ATP2B3: variants seen among roughly 807,000 people sequenced by gnomAD.
ATP2B3 encodes the protein plasma membrane calcium-transporting ATPase 3.
A neutral mutation model predicts 70.8 loss-of-function variants in ATP2B3; 12 were observed. The observed-to-expected ratio is 0.17, with a 90% CI of 0.11 to 0.27. The LOEUF (loss-of-function observed/expected upper bound fraction) is 0.27. Ranked by LOEUF, ATP2B3 falls within the 10% of genes least tolerant of loss-of-function variation. The pLI is 1.00. For synonymous variants in ATP2B3, 460 were observed against 497.8 expected (o/e 0.92, Z 1.01); for missense variants, 858 against 1,118.5 (o/e 0.77, Z 3.32).
chrX:153,518,297 A>G (rs1556996785), intron 1 of ATP2B3, among the ~76,000 whole-genome samples, 135 bp from the exon 2 acceptor site: 1 of 110,384 alleles, frequency 9.1e-6, no homozygotes, highest in African/African-American at 3.3e-5. Flanking sequence ...ACACTGTATC[A>G]TCCTTCCCCT....
intron 3 of ATP2B3, among the ~76,000 whole-genome samples, chrX:153,539,190 C>T (rs1232767124): frequency 8.9e-6 from 1 of 112,543 alleles, no homozygotes; most frequent in Non-Finnish European, 1.9e-5. Flanking sequence ...CAGTCCAGAG[C>T]GAGGTGCACA....
intron 16 of ATP2B3, among the ~76,000 whole-genome samples, chrX:153,557,567 G>A (rs573514524): frequency 2.7e-5 from 3 of 112,169 alleles, no homozygotes; most frequent in Non-Finnish European, 5.6e-5. Context: ...CCCAGCACCC[G>A]TAGCCCAGAA....
chrX:153,574,691 C>T (rs2090833209), intron 21 of ATP2B3: 1 of 298,530 alleles, frequency 3.3e-6, no homozygotes, highest in Non-Finnish European at 6.7e-6. Context: ...TCGCTTGTCT[C>T]CCTGCTTCTG....
At chrX:153,566,167 C>G (rs2090704503) in intron 21 of ATP2B3, among the ~76,000 whole-genome samples, 1 of 112,835 alleles carries the variant, frequency 8.9e-6, no homozygotes, top group Admixed American at 9.3e-5. Flanking sequence ...CACACTCCAC[C>G]TCCTTCTGCA....
chrX:153,532,244 G>A (rs2980077), intron 2 of ATP2B3, among the ~76,000 whole-genome samples: 12,538 of 112,240 alleles, frequency 0.11, 522 homozygotes, highest in East Asian at 0.25. Context: ...TCCTGAGAGG[G>A]GCCCCATGGG....
intron 21 of ATP2B3, among the ~76,000 whole-genome samples, chrX:153,571,002 GTACA>G (rs1265568419): frequency 0.039 from 1,045 of 26,744 alleles, 11 homozygotes; most frequent in African/African-American, 0.076. Flanking sequence ...ACGTGCGCGC[GTACA>G]CACACACACA....
intron 21 of ATP2B3, among the ~76,000 whole-genome samples, chrX:153,573,571 G>T (rs1557020542): frequency 8.9e-6 from 1 of 112,869 alleles, no homozygotes; most frequent in African/African-American, 3.2e-5. Flanking sequence ...GCCCTTCCAG[G>T]CAAACCCTAA....
rs2081164326 is a variant in ATP2B3 at position 153,542,027 on chromosome X, G to A, written c.664+101G>A. 12 of 1,004,095 alleles carry A rather than the reference G, an allele frequency of 1.2e-5. No individual in the cohort carries two copies. In the Admixed American group the frequency reaches 2.4e-4, roughly 20 times the overall value. The allele number at this position is 1,004,095 out of a possible 1,213,427, so 82.7% of individuals were successfully genotyped here. A position where few individuals can be genotyped will look rare whatever the true frequency, so the allele number is the denominator to read the frequency against. On this transcript the variant is annotated intron_variant, in intron 5 of 21. Coordinates refer to ENST00000263519, the MANE Select transcript of ATP2B3 (RefSeq NM_001001344.3). ...CCCCCAGCACAGGTTCTCCCCGGTG[G>A]CCTGCGTGTCGTCACCTGCCTTAGG...
rs1557009484 is a variant in ATP2B3, at chrX:153,547,987, A to G, written c.1111A>G (p.Ile371Val). The G allele has an allele frequency of 8.3e-7, 1 of 1,204,432 alleles. No individual in the cohort carries two copies. Among genetic ancestry groups the G allele is most frequent in the Admixed American group, 2.2e-5 (1 of 45,623 alleles). The change falls in exon 9 of 22, where the codon ATC becomes GTC. Residue 371 changes from isoleucine to valine, a missense_variant. This residue lies in a region of ATP2B3 where 278 missense variants were observed against 366.2 expected (regional missense o/e 0.76). Transcript: ENST00000263519. ...QGKLTKLAVQ[I>V]GKAGLVMSAI... ...GAAGCTCACAAAGCTAGCCGTGCAG[A>G]TCGGGAAAGCAGGTAGGGACAGCAG...
At chrX:153,527,691 G>A (rs781899489) in intron 2 of ATP2B3, among the ~76,000 whole-genome samples, 46 of 112,384 alleles carry the variant, frequency 4.1e-4, no homozygotes, top group African/African-American at 1.3e-3. Context: ...GCGGGAGTCC[G>A]GGCAAGCTTG....
At chrX:153,547,010 G>A (rs1342801779) in intron 8 of ATP2B3, among the ~76,000 whole-genome samples, 1 of 112,388 alleles carries the variant, frequency 8.9e-6, no homozygotes, top group African/African-American at 3.2e-5. Context: ...AGCAGGAGGA[G>A]GCAGAGGTGA....
At chrX:153,537,124 G>A (rs1437509675) in intron 3 of ATP2B3, among the ~76,000 whole-genome samples, 2 of 113,135 alleles carry the variant, frequency 1.8e-5, no homozygotes. Context: ...GAAAGATCTG[G>A]GGCGGAGGCC....
chrX:153,549,209 G>T (rs1281638777), intron 10 of ATP2B3, among the ~76,000 whole-genome samples: 1 of 98,312 alleles, frequency 1.0e-5, no homozygotes, highest in East Asian at 3.3e-4. Flanking sequence ...GTGGGGTGGT[G>T]GGGTGGTGGG....
At position 153,556,732 on chromosome X, in the gene ATP2B3, GCTTA is replaced by G. The variant is rs201431429; in HGVS notation, c.2327-180_2327-177del. 5.6e-3 allele frequency among the ~76,000 whole-genome samples: 631 copies of G among 112,717 alleles called. 10 individuals carry two copies. Among genetic ancestry groups the G allele is most frequent in the African/African-American group, 0.019 (592 of 31,025 alleles). ...CTGGCCCTGTCACTCAGTGAGATTT[GCTTA>G]CTTATTTGGGGATAGGAGATGATCC... On this transcript the variant is annotated intron_variant, in intron 15 of 21. Coordinates refer to ENST00000263519, the MANE Select transcript of ATP2B3 (RefSeq NM_001001344.3).
chrX:153,577,374 G>C (rs2090870817), intron 21 of ATP2B3, among the ~76,000 whole-genome samples: 1 of 111,886 alleles, frequency 8.9e-6, no homozygotes, highest in South Asian at 3.7e-4. Context: ...ATGCCCCCAG[G>C]TCTGAATGAG....
At chrX:153,570,261 G>A (rs1388883590) in intron 21 of ATP2B3, among the ~76,000 whole-genome samples, 1 of 112,384 alleles carries the variant, frequency 8.9e-6, no homozygotes, top group Non-Finnish European at 1.9e-5. Context: ...CTGGAGCGGC[G>A]CTTCCAGCAT....
intron 3 of ATP2B3, 76 bp from the exon 4 acceptor site, chrX:153,541,283 A>AGAGGAGGCC (rs2090275277): frequency 8.7e-7 from 1 of 1,153,930 alleles, no homozygotes; most frequent in Non-Finnish European, 1.2e-6. Flanking sequence ...TCAGGGCCAC[A>AGAGGAGGCC]TAGGAGGCCT....
intron 3 of ATP2B3, among the ~76,000 whole-genome samples, chrX:153,536,658 C>T (rs782337926): frequency 8.9e-6 from 1 of 112,326 alleles, no homozygotes; most frequent in Non-Finnish European, 1.9e-5. Flanking sequence ...AGGAGTTCTC[C>T]GCTCTATAGA....
In ATP2B3 at chrX:153,542,423, T is replaced by C. The variant is rs781867092; in HGVS notation, c.765T>C (p.Ala255=). 2 of 1,211,691 alleles carry C rather than the reference T, an allele frequency of 1.7e-6. No individual in the cohort carries two copies. The highest frequency in any genetic ancestry group is 2.2e-6 in the Non-Finnish European group (2 of 895,495). Residue 255 remains alanine, a synonymous_variant, in exon 6 of 22, where the codon GCT becomes GCC. Transcript: ENST00000263519. ...AGTCTGACCACGTGCGCAAGTCAGC[T>C]GACAAAGATCCCATGCTGCTCTCAG... ...TGESDHVRKS[A]DKDPMLLSGT...
Sources: allele counts gnomAD v4.1 joint callset (sites outside exome capture counted in the v4.1 genomes callset), GRCh38; gene constraint gnomAD v4.1.1; regional missense constraint gnomAD v4.1.1; transcripts MANE v1.5; gene names NCBI Gene and HGNC (gene_info 2026-07-23, HGNC 2026-07-21).